WNK2: variants seen among roughly 807,000 people sequenced by gnomAD.
WNK2 encodes WNK lysine deficient protein kinase 2, also known as serine/threonine-protein kinase WNK2.
Under a neutral mutation model 192.1 loss-of-function variants are expected in WNK2, and 67 were observed. The ratio of observed to expected loss-of-function variants is 0.35; its 90% CI spans 0.29 to 0.43. The LOEUF (loss-of-function observed/expected upper bound fraction) is 0.43. WNK2 is among the 20% of genes least tolerant of loss of function. The pLI is 1.00. For missense variants in WNK2, 2,698 were observed against 3,089.7 expected (o/e 0.87, Z 3.01); for synonymous variants, 1,439 against 1,393.9 (o/e 1.03, Z -0.72).
intron 2 of WNK2, among the ~76,000 whole-genome samples, chr9:93,213,232 G>GTCCTCTGA (rs1835109549): frequency 1.3e-5 from 2 of 152,336 alleles, no homozygotes; most frequent in East Asian, 3.9e-4. Context: ...CTGGACAGTT[G>GTCCTCTGA]AGGAGGGCAG....
chr9:93,203,815 TG>T (rs1832903307), intron 2 of WNK2, among the ~76,000 whole-genome samples: 1 of 152,070 alleles, frequency 6.6e-6, no homozygotes, highest in Non-Finnish European at 1.5e-5. Context: ...TTGGAAGCCC[TG>T]TGTGTGGTGA....
At chr9:93,196,088 G>A (rs1204232532) in intron 2 of WNK2, among the ~76,000 whole-genome samples, 2 of 152,206 alleles carry the variant, frequency 1.3e-5, no homozygotes, top group African/African-American at 2.4e-5. Context: ...AGCTCTTGAA[G>A]GGTGCGAGGG....
intron 22 of WNK2, 21 bp downstream of exon 22, chr9:93,292,417 C>T (rs1421698196): frequency 1.9e-6 from 3 of 1,613,728 alleles, no homozygotes; most frequent in African/African-American, 1.3e-5. Context: ...CTTGACGACC[C>T]CCTGGCTGGT....
chr9:93,186,522 C>G (rs149541675), intron 2 of WNK2, among the ~76,000 whole-genome samples: 44 of 152,238 alleles, frequency 2.9e-4, no homozygotes, highest in African/African-American at 1.1e-3. Flanking sequence ...GGGAGAGTGC[C>G]GGCTGGAGGT....
At chr9:93,263,109 A>G (rs139196372) in intron 14 of WNK2, among the ~76,000 whole-genome samples, 212 of 152,310 alleles carry the variant, frequency 1.4e-3, no homozygotes, top group Middle Eastern at 3.4e-3. Flanking sequence ...GGCTGTGGAC[A>G]CAGGTGTTTC....
intron 2 of WNK2, among the ~76,000 whole-genome samples, chr9:93,186,024 A>G (rs952751637): frequency 6.6e-6 from 1 of 152,170 alleles, no homozygotes; most frequent in Non-Finnish European, 1.5e-5. Context: ...GGAGGCTTCA[A>G]GGCCCGGTGT....
intron 10 of WNK2, 53 bp downstream of exon 10, chr9:93,256,507 T>A: frequency 6.9e-7 from 1 of 1,458,844 alleles, no homozygotes. Flanking sequence ...CAGTCACCTG[T>A]GCTGGCCCCT....
chr9:93,248,002 T>A (rs570237925), intron 8 of WNK2, among the ~76,000 whole-genome samples, 168 bp downstream of exon 8: 122 of 152,394 alleles, frequency 8.0e-4, no homozygotes, highest in African/African-American at 2.7e-3. Flanking sequence ...CTCTGAGCTG[T>A]CCTCACGTAG....
intron 23 of WNK2, among the ~76,000 whole-genome samples, chr9:93,295,724 T>TCCCCTTCCTCCCC (rs1850163984): frequency 6.8e-6 from 1 of 146,134 alleles, no homozygotes; most frequent in African/African-American, 2.6e-5. Context: ...CATCCTCCCC[T>TCCCCTTCCTCCCC]CACCTTCCTC....
At chr9:93,285,323 C>A (rs1418495252) in intron 19 of WNK2, among the ~76,000 whole-genome samples, 1 of 152,130 alleles carries the variant, frequency 6.6e-6, no homozygotes, top group African/African-American at 2.4e-5. Context: ...AATAAAACTA[C>A]CACTGTTGGC....
At chr9:93,305,836 G>T (rs1852419560) in intron 26 of WNK2, among the ~76,000 whole-genome samples, 1 of 152,246 alleles carries the variant, frequency 6.6e-6, no homozygotes, top group African/African-American at 2.4e-5. Context: ...CTGGCAAGGG[G>T]CCGTGGGCTG....
chr9:93,217,572 G>A (rs1176987668), intron 2 of WNK2, among the ~76,000 whole-genome samples: 1 of 152,176 alleles, frequency 6.6e-6, no homozygotes, highest in Non-Finnish European at 1.5e-5. Flanking sequence ...TCAGTTAATG[G>A]GATTGGGGTG....
intron 20 of WNK2, 119 bp from the exon 21 acceptor site, chr9:93,289,859 C>G (rs371815944): frequency 9.4e-7 from 1 of 1,064,308 alleles, no homozygotes; most frequent in African/African-American, 1.6e-5. Context: ...CATGCACACA[C>G]AGGGGCTGGG....
At position 93,289,534 on chromosome 9, in the gene WNK2, C is replaced by A; in HGVS notation, c.4780C>A (p.Arg1594Ser). ...GGAGCCCCTGAGAGGGGACCAGCCC[C>A]GCTCAGAGGTCTGCGGGGGGGACCT... ...TLEPLRGDQP[R>S]SEVCGGDLAL... The change falls in exon 20 of 30, where the codon CGC becomes AGC. Residue 1594 changes from arginine to serine, a missense_variant. Coordinates refer to ENST00000427277, the MANE Select transcript of WNK2 (RefSeq NM_006648.4). 6.3e-7 allele frequency: 1 copy of A among 1,586,206 alleles called. No homozygotes were observed. Among genetic ancestry groups the A allele is most frequent in the East Asian group, 2.3e-5 (1 of 44,148 alleles).
chr9:93,188,032 C>T (rs2040094), intron 2 of WNK2, among the ~76,000 whole-genome samples: 70,082 of 151,626 alleles, frequency 0.46, 17,185 homozygotes, highest in East Asian at 0.56. Flanking sequence ...TGCCATCCTG[C>T]ACATGACCGC....
At chr9:93,271,271 T>A (rs1484520278) in intron 19 of WNK2, among the ~76,000 whole-genome samples, 1 of 152,234 alleles carries the variant, frequency 6.6e-6, no homozygotes, top group African/African-American at 2.4e-5. Flanking sequence ...GATTGCCTAC[T>A]GAAGCAAAAA....
At chr9:93,310,840 T>C (rs1000231126) in intron 28 of WNK2, among the ~76,000 whole-genome samples, 5 of 152,190 alleles carry the variant, frequency 3.3e-5, no homozygotes, top group Non-Finnish European at 5.9e-5. Flanking sequence ...TGCACATGCC[T>C]GTGGTCCCAG....
chr9:93,259,021 G>A lies in WNK2; in HGVS notation c.2473G>A (p.Val825Met), dbSNP rs542691515. The A allele has an allele frequency of 1.2e-6, 2 of 1,612,792 alleles. No homozygotes were observed. Among genetic ancestry groups the A allele is most frequent in the East Asian group, 4.5e-5 (2 of 44,832 alleles). Reference protein sequence around the residue: ...PALPDLPTATVPPVPPPQYFS... With the variant: ...PALPDLPTATMPPVPPPQYFS... The stretch of plus-strand genomic sequence containing the variant: ...CCTCCCAGACCTGCCGACCGCGACT[G>A]TGCCTCCCGTGCCACCACCTCAGTA... Residue 825 changes from valine (V) to methionine (M), a missense_variant, in exon 12 of 30, where the codon GTG becomes ATG. This residue lies in a region of WNK2 where 893 missense variants were observed against 909.0 expected (regional missense o/e 0.98). Transcript: ENST00000427277. This position sits in a 1 kb window ranked among gnomAD's most constrained non-coding sequence, Gnocchi z 4.8.
intron 19 of WNK2, among the ~76,000 whole-genome samples, chr9:93,281,173 T>G (rs957021425): frequency 2.0e-5 from 3 of 152,160 alleles, no homozygotes; most frequent in Admixed American, 2.0e-4. Context: ...CTTATATGCC[T>G]GTGTCAAAAC....
Sources: allele counts gnomAD v4.1 joint callset (sites outside exome capture counted in the v4.1 genomes callset), GRCh38; gene constraint gnomAD v4.1.1; regional missense constraint gnomAD v4.1.1; non-coding constraint Gnocchi (gnomAD v3.1); transcripts MANE v1.5; gene names NCBI Gene and HGNC (gene_info 2026-07-23, HGNC 2026-07-21).